The following WDR17 variants were observed in gnomAD, a reference collection of about 807,000 sequenced individuals.
The protein encoded by WDR17 is WD repeat domain 17.
In WDR17, 143 loss-of-function variants were observed where a neutral mutation model predicts 161.7. That is an observed-to-expected ratio of 0.88 (90% confidence interval 0.77 to 1.02). The LOEUF is 1.02. Among genes scored for constraint, WDR17 ranks in the 50% least tolerant of loss-of-function variants. The pLI, the probability that WDR17 is intolerant of heterozygous loss-of-function variation, is 0.00. For synonymous variants in WDR17, 517 were observed against 515.6 expected, an observed-to-expected ratio of 1.00 and a Z score of -0.04; for missense variants, 1,469 against 1,520.9, an observed-to-expected ratio of 0.97 and a Z score of 0.57.
intron 11 of WDR17, among the ~76,000 whole-genome samples, chr4:176,143,185 G>T (rs376882569): frequency 6.6e-6 from 1 of 152,130 alleles, no homozygotes; most frequent in East Asian, 1.9e-4. Flanking sequence ...GGCCTTACAC[G>T]CTGTTAAGGT....
At chr4:176,082,149 G>A (rs1435482851) in intron 1 of WDR17, among the ~76,000 whole-genome samples, 1 of 151,852 alleles carries the variant, frequency 6.6e-6, no homozygotes, top group Non-Finnish European at 1.5e-5. Flanking sequence ...CAAAATGAAT[G>A]AAATAAAATG....
chr4:176,146,160 G>T lies in WDR17; in HGVS notation c.1694+1G>T. 9.9e-6 allele frequency: 16 copies of T among 1,609,540 alleles called. No homozygotes were observed. The highest frequency in any genetic ancestry group is 1.4e-5 in the Non-Finnish European group (16 of 1,178,352). ...TTCTTTGCAGTGGTTCTGATGATGG[G>T]TATGTATTTTTGGATTCTAATTTTC... On this transcript the variant is annotated splice_donor_variant, in intron 12 of 28. Coordinates refer to ENST00000508596, the MANE Select transcript of WDR17 (RefSeq NM_181265.4). LOFTEE classifies it high-confidence loss of function.
At chr4:176,127,618 G>T (rs1034025795) in intron 5 of WDR17, among the ~76,000 whole-genome samples, 9 of 152,008 alleles carry the variant, frequency 5.9e-5, no homozygotes, top group African/African-American at 2.2e-4. Flanking sequence ...AAATTGTTTT[G>T]TATTTTATTA....
intron 6 of WDR17, 30 bp from the exon 7 acceptor site, chr4:176,131,524 C>T: frequency 1.3e-6 from 2 of 1,566,358 alleles, no homozygotes; most frequent in Non-Finnish European, 1.7e-6. Flanking sequence ...TGGTTTCATT[C>T]CAATAGGATT....
chr4:176,131,678 G>A lies in WDR17; in HGVS notation c.1038G>A (p.Leu346=). ...LPPGHAVCCF[L]DGGVGLYDMG... The stretch of plus-strand genomic sequence containing the variant: ...CTGGTCATGCAGTGTGTTGTTTCTT[G>A]GATGGTGGAGTTGGACTTTATGATA... The change falls in exon 7 of 29, where the codon TTG becomes TTA. Residue 346 remains leucine (L), a synonymous_variant. Coordinates refer to ENST00000508596, the MANE Select transcript of WDR17 (RefSeq NM_181265.4). 5 of 1,613,484 alleles carry A rather than the reference G, an allele frequency of 3.1e-6. No individual in the cohort carries two copies. The highest frequency in any genetic ancestry group is 4.2e-6 in the Non-Finnish European group (5 of 1,179,696).
In WDR17 at chr4:176,181,066, TA is replaced by T. The variant is rs1191129645; in HGVS notation, c.*1491del. The T allele has an allele frequency of 6.6e-6, 1 of 152,180 alleles. No individual in the cohort carries two copies. The highest frequency in any genetic ancestry group is 1.5e-5 in the Non-Finnish European group (1 of 68,028). 9.4% of individuals were successfully genotyped at this position (152,180 alleles called of 1,614,324 possible). On this transcript the variant is annotated 3_prime_UTR_variant, in exon 29 of 29. Coordinates refer to ENST00000508596, the MANE Select transcript of WDR17 (RefSeq NM_181265.4). ...AAACTTGTTGCATTTAAAATATTTT[TA>T]AAACCTTCTTAACAAAACTTCTTAA...
In WDR17 at chr4:176,166,497, C is replaced by T. The variant is rs193250705; in HGVS notation, c.2991-2175C>T. 2.4e-3 allele frequency among the ~76,000 whole-genome samples: 363 copies of T among 152,142 alleles called. 1 individual carries two copies. The highest frequency in any genetic ancestry group is 8.3e-3 in the African/African-American group (344 of 41,534). ...TTGGTCTATATCATTTTTATATGTA[C>T]ATTTTTCCCCATTTGTGTACTGAAC... On this transcript the variant is annotated intron_variant, in intron 22 of 28. Transcript: ENST00000508596.
chr4:176,119,778 G>T lies in WDR17; in HGVS notation c.308-89G>T, dbSNP rs533927830. 4.4e-6 allele frequency: 5 copies of T among 1,144,494 alleles called. No individual in the cohort carries two copies. In the South Asian group the frequency reaches 7.5e-5, roughly 17 times the overall value. 70.9% of individuals were successfully genotyped at this position (1,144,494 alleles called of 1,614,324 possible). A position where few individuals can be genotyped will look rare whatever the true frequency, so the allele number is the denominator to read the frequency against. Reference sequence around the variant, plus strand: ...TAATGTATCTTAAAAATAATAATTTGTTTTAGAAATGTAAACAGGGCAAGT... The same window carrying T: ...TAATGTATCTTAAAAATAATAATTTTTTTTAGAAATGTAAACAGGGCAAGT... On this transcript the variant is annotated intron_variant, in intron 3 of 28. Coordinates refer to ENST00000508596, the MANE Select transcript of WDR17 (RefSeq NM_181265.4).
chr4:176,115,740 A>C, intron 2 of WDR17, 56 bp from the exon 3 acceptor site: 1 of 1,318,886 alleles, frequency 7.6e-7, no homozygotes, highest in Non-Finnish European at 1.0e-6. Context: ...GAATATTAAC[A>C]GTGTATTATC....
At chr4:176,156,784 T>G (rs907093666) in intron 18 of WDR17, among the ~76,000 whole-genome samples, 3 of 152,258 alleles carry the variant, frequency 2.0e-5, no homozygotes, top group African/African-American at 4.8e-5. Context: ...TCAGCAAAGT[T>G]GGTTTCTACT....
rs74439681 is a variant in WDR17, at chr4:176,157,404, G to T, written c.2525+1261G>T. On this transcript the variant is annotated intron_variant, in intron 18 of 28. Coordinates refer to ENST00000508596, the MANE Select transcript of WDR17 (RefSeq NM_181265.4). ...AAAATTCAGAAGGATTAACACATTT[G>T]CCATGGGAAAGTAGACTGTTCCCTA... is the stretch of plus-strand genomic sequence containing the variant. Among the ~76,000 whole-genome samples the T allele has an allele frequency of 4.5e-3, 680 of 152,256 alleles. 7 individuals carry two copies. The highest frequency in any genetic ancestry group is 0.016 in the African/African-American group (650 of 41,550).
intron 16 of WDR17, 51 bp from the exon 17 acceptor site, chr4:176,151,761 A>T: frequency 6.7e-7 from 1 of 1,494,584 alleles, no homozygotes; most frequent in South Asian, 1.3e-5. Flanking sequence ...TGACACATAC[A>T]AAACAAAATA....
chr4:176,182,112 T>C lies in WDR17; in HGVS notation c.*2533T>C, dbSNP rs570436927. 1 of 152,216 alleles carries C rather than the reference T, an allele frequency of 6.6e-6. No individual in the cohort carries two copies. The highest frequency in any genetic ancestry group is 2.1e-4 in the South Asian group (1 of 4,830). 9.4% of individuals were successfully genotyped at this position (152,216 alleles called of 1,614,324 possible). On this transcript the variant is annotated 3_prime_UTR_variant, in exon 29 of 29. Coordinates refer to ENST00000508596, the MANE Select transcript of WDR17 (RefSeq NM_181265.4). The surrounding 1 kb of genome is among the most constrained non-coding windows in gnomAD (Gnocchi z 4.2). ...ATGAAACCCAAGCAAATTATATGAA[T>C]TTATTTTACTATTTGAAAATGTTCA...
chr4:176,070,506 T>C (rs1477202900), intron 1 of WDR17, among the ~76,000 whole-genome samples: 2 of 152,016 alleles, frequency 1.3e-5, no homozygotes, highest in African/African-American at 4.8e-5. Flanking sequence ...CTTTTTTCCC[T>C]TTTTTTCCAC....
chr4:176,136,552 T>A lies in WDR17; in HGVS notation c.1268-968T>A, dbSNP rs149273264. Among the ~76,000 whole-genome samples the A allele has an allele frequency of 4.1e-3, 621 of 151,732 alleles. 5 individuals are homozygous for A. The highest frequency in any genetic ancestry group is 0.014 in the African/African-American group (570 of 41,522). On this transcript the variant is annotated intron_variant, in intron 8 of 28. Transcript: ENST00000508596. Reference sequence around the variant, plus strand: ...TCAAGAAAGTAAAAATGTTAGAAAATGGAAATTCTGTCATTTTCTGTTATG... The same window carrying A: ...TCAAGAAAGTAAAAATGTTAGAAAAAGGAAATTCTGTCATTTTCTGTTATG...
Position 176,137,552 on chromosome 4 carries a change from C to G in WDR17, c.1300C>G (p.Arg434Gly). The G allele has an allele frequency of 6.2e-7, 1 of 1,600,642 alleles. No individual in the cohort carries two copies. The highest frequency in any genetic ancestry group is 1.1e-5 in the South Asian group (1 of 89,060). The change falls in exon 9 of 29, where the codon CGA becomes GGA. Residue 434 changes from arginine to glycine, a missense_variant. Transcript: ENST00000508596. ...AAATTGTATTGCTGGGGGAACTTCC[C>G]GAAATGGTGCTTTTATTTGGAATGT... ...GLNCIAGGTS[R>G]NGAFIWNVQK...
chr4:176,153,192 C>G (rs1315445674), intron 17 of WDR17, among the ~76,000 whole-genome samples: 1 of 152,166 alleles, frequency 6.6e-6, no homozygotes, highest in East Asian at 1.9e-4. Context: ...CCGCCCTAGG[C>G]TGGAATCTTA....
chr4:176,117,213 G>A (rs1740787000), intron 3 of WDR17, among the ~76,000 whole-genome samples: 2 of 151,888 alleles, frequency 1.3e-5, no homozygotes, highest in South Asian at 2.1e-4. Flanking sequence ...GTGATTGATG[G>A]CCTCAATTAA....
Position 176,128,784 on chromosome 4 carries a change from AC to A in WDR17, c.839del (p.Pro280LeufsTer7). On this transcript the variant is annotated frameshift_variant, in exon 6 of 29. Transcript: ENST00000508596. LOFTEE classifies it high-confidence loss of function. ...LRIWNVSRTT[P>X]IDNLKLKKTG... Reference sequence around the variant, plus strand: ...GCATTTGGAATGTTTCAAGAACAACACCTATTGATAATCTTAAATTAAAGAA... The same window carrying A: ...GCATTTGGAATGTTTCAAGAACAACACTATTGATAATCTTAAATTAAAGAA... The A allele has an allele frequency of 6.2e-7, 1 of 1,606,150 alleles. No individual in the cohort carries two copies. Among genetic ancestry groups the A allele is most frequent in the Non-Finnish European group, 8.5e-7 (1 of 1,176,966 alleles).
Sources: allele counts gnomAD v4.1 joint callset (sites outside exome capture counted in the v4.1 genomes callset), GRCh38; gene constraint gnomAD v4.1.1; non-coding constraint Gnocchi (gnomAD v3.1); transcripts MANE v1.5; gene names NCBI Gene and HGNC (gene_info 2026-07-23, HGNC 2026-07-21).